The following GTF2H1 variants were observed in gnomAD, a reference collection of about 807,000 sequenced individuals.
GTF2H1 encodes BTF2 p62.
Under a neutral mutation model 71.2 loss-of-function variants are expected in GTF2H1, and 16 were observed. The observed-to-expected ratio is 0.22, with a 90% CI of 0.15 to 0.34. The LOEUF (loss-of-function observed/expected upper bound fraction) is 0.34, where lower values mean the gene tolerates loss of function less well. Among genes scored for constraint, GTF2H1 ranks in the 10% least tolerant of loss-of-function variants. The probability of loss-of-function intolerance (pLI) is 1.00; values close to 1 mark genes in which losing one functional copy is unlikely to be tolerated. For synonymous variants in GTF2H1, 215 were observed against 219.0 expected (o/e 0.98, Z 0.16); for missense variants, 498 against 648.2 (o/e 0.77, Z 2.52).
chr11:18,323,904 C>CA (rs1412915621), intron 1 of GTF2H1, among the ~76,000 whole-genome samples: 1 of 152,328 alleles, frequency 6.6e-6, no homozygotes, highest in East Asian at 1.9e-4. Context: ...GGAGAGGTCA[C>CA]AACCGCAGGG....
chr11:18,345,976 C>T (rs535083039), intron 7 of GTF2H1, among the ~76,000 whole-genome samples: 8 of 151,256 alleles, frequency 5.3e-5, no homozygotes, highest in Admixed American at 1.3e-4. Flanking sequence ...ATTTTTAGTA[C>T]GGAAAGGATT....
intron 7 of GTF2H1, among the ~76,000 whole-genome samples, chr11:18,344,216 C>G (rs1462280454): frequency 6.6e-6 from 1 of 152,162 alleles, no homozygotes; most frequent in Non-Finnish European, 1.5e-5. Flanking sequence ...AACGCTTACA[C>G]CCTTTCATGT....
intron 9 of GTF2H1, chr11:18,348,308 G>T (rs907042967): frequency 6.1e-5 from 19 of 309,808 alleles, no homozygotes; most frequent in Non-Finnish European, 1.8e-5. Context: ...TGGCCCTCAT[G>T]TTAAACCTAG....
chr11:18,344,442 A>C (rs1175693052), intron 7 of GTF2H1, among the ~76,000 whole-genome samples: 1 of 151,970 alleles, frequency 6.6e-6, no homozygotes, highest in Non-Finnish European at 1.5e-5. Flanking sequence ...AACATGGTGA[A>C]ACCCCATCTC....
intron 7 of GTF2H1, among the ~76,000 whole-genome samples, chr11:18,344,616 CAAAAAAA>C (rs201176508): frequency 6.0e-5 from 6 of 100,452 alleles, no homozygotes; most frequent in Non-Finnish European, 1.2e-4. Context: ...GAGACTGTCT[CAAAAAAA>C]AAAAAAAAAA....
intron 1 of GTF2H1, among the ~76,000 whole-genome samples, chr11:18,327,633 C>CT (rs1291784259): frequency 6.6e-6 from 1 of 152,202 alleles, no homozygotes; most frequent in Non-Finnish European, 1.5e-5. Context: ...GGAGAATACT[C>CT]TGTCACCCAG....
At chr11:18,346,434 G>T in intron 7 of GTF2H1, among the ~76,000 whole-genome samples, 1 of 151,996 alleles carries the variant, frequency 6.6e-6, no homozygotes, top group East Asian at 1.9e-4. Context: ...AACCTTTTTC[G>T]AACCCTCTTC....
At chr11:18,358,479 AT>A in intron 12 of GTF2H1, 45 bp from the exon 13 acceptor site, 1 of 1,089,388 alleles carries the variant, frequency 9.2e-7, no homozygotes, top group East Asian at 2.4e-5. Flanking sequence ...GAGACTGTAT[AT>A]GTTAAAATAG....
intron 1 of GTF2H1, among the ~76,000 whole-genome samples, chr11:18,327,079 A>G (rs1218308474): frequency 1.3e-5 from 2 of 152,138 alleles, no homozygotes; most frequent in African/African-American, 2.4e-5. Context: ...GAAGAATTGC[A>G]TAGTTATATG....
intron 9 of GTF2H1, 54 bp downstream of exon 9, chr11:18,347,973 A>G (rs1231551434): frequency 9.2e-7 from 1 of 1,088,404 alleles, no homozygotes; most frequent in Admixed American, 1.7e-5. Flanking sequence ...CAAATACTTT[A>G]TGTGACTGCA....
chr11:18,359,575 AATT>A (rs989562237), intron 13 of GTF2H1, among the ~76,000 whole-genome samples: 1 of 152,168 alleles, frequency 6.6e-6, no homozygotes, highest in African/African-American at 2.4e-5. Context: ...TTTAGGAAAT[AATT>A]AGGAATGCAA....
intron 9 of GTF2H1, among the ~76,000 whole-genome samples, chr11:18,349,791 T>A (rs1313083818): frequency 1.3e-5 from 2 of 152,252 alleles, no homozygotes; most frequent in Non-Finnish European, 2.9e-5. Flanking sequence ...TTGCAAATAC[T>A]GTAAATCAAA....
At chr11:18,364,189 T>G (rs1865768687) in intron 14 of GTF2H1, among the ~76,000 whole-genome samples, 1 of 152,164 alleles carries the variant, frequency 6.6e-6, no homozygotes, top group Non-Finnish European at 1.5e-5. Flanking sequence ...TAAGTAATTT[T>G]TATAGTTTCC....
At position 18,365,901 on chromosome 11, in the gene GTF2H1, T is replaced by C. The variant is rs1481312528; in HGVS notation, c.*32T>C. ...CATGATGCTTACAGGTTTTGTGAGA[T>C]TGAGAGAACTATGACCTGCAGCAAC... On this transcript the variant is annotated 3_prime_UTR_variant, in exon 15 of 15. Coordinates refer to ENST00000265963, the MANE Select transcript of GTF2H1 (RefSeq NM_005316.4). The C allele has an allele frequency of 6.8e-7, 1 of 1,475,628 alleles. No homozygotes were observed. Among genetic ancestry groups the C allele is most frequent in the Admixed American group, 1.7e-5 (1 of 59,078 alleles). 91.4% of individuals were successfully genotyped at this position (1,475,628 alleles called of 1,614,324 possible).
rs928651726 is a variant in GTF2H1, at chr11:18,322,644, C to A, written c.-112C>A. ...GGCTACTGCTGCGGCCACTGGGTTT[C>A]GGCCTCTTCCCAGCAGCGGCTCTAA... On this transcript the variant is annotated 5_prime_UTR_variant, in exon 1 of 15. The change creates a premature stop within an existing upstream ORF in the 5' untranslated region. Transcript: ENST00000265963. 30 of 152,404 alleles carry A rather than the reference C, an allele frequency of 2.0e-4. No individual in the cohort carries two copies. Among genetic ancestry groups the A allele is most frequent in the African/African-American group, 6.7e-4 (28 of 41,588 alleles). The allele number at this position is 152,404 out of a possible 1,614,324, so 9.4% of individuals were successfully genotyped here. A position where few individuals can be genotyped will look rare whatever the true frequency, so the allele number is the denominator to read the frequency against.
intron 1 of GTF2H1, among the ~76,000 whole-genome samples, chr11:18,323,421 C>T (rs1264859564): frequency 2.6e-5 from 4 of 151,982 alleles, no homozygotes; most frequent in African/African-American, 9.7e-5. Context: ...CTAGACCTCC[C>T]AAAGCGCCAG....
chr11:18,341,883 G>GTA, intron 7 of GTF2H1: 1 of 286,454 alleles, frequency 3.5e-6, no homozygotes, highest in Non-Finnish European at 6.6e-6. Flanking sequence ...GGCTTAATGT[G>GTA]ATGAGTTCAG....
At chr11:18,365,328 A>C (rs748095739) in intron 14 of GTF2H1, among the ~76,000 whole-genome samples, 2 of 152,106 alleles carry the variant, frequency 1.3e-5, no homozygotes, top group Non-Finnish European at 2.9e-5. Flanking sequence ...CAGTGAGCCA[A>C]AATCACACCA....
chr11:18,365,371 C>G (rs1865797537), intron 14 of GTF2H1, among the ~76,000 whole-genome samples: 1 of 151,968 alleles, frequency 6.6e-6, no homozygotes, highest in Non-Finnish European at 1.5e-5. Context: ...GAGCAAGACT[C>G]TGTCTCAAAA....
Sources: gnomAD v4.1 joint callset for allele counts (sites outside exome capture counted in the v4.1 genomes callset) on GRCh38, gnomAD v4.1.1 for gene constraint, MANE v1.5 for transcripts, NCBI Gene and HGNC (gene_info 2026-07-23, HGNC 2026-07-21) for gene names.